KCND3: variants seen among roughly 807,000 people sequenced by gnomAD.
KCND3 encodes the protein potassium voltage-gated channel subfamily D member 3, also known as A-type voltage-gated potassium channel KCND3.
In KCND3, 9 loss-of-function variants were observed where a neutral mutation model predicts 51.1. The ratio of observed to expected loss-of-function variants is 0.18; its 90% CI spans 0.11 to 0.31. The LOEUF is 0.31. Ranked by LOEUF, KCND3 falls within the 10% of genes least tolerant of loss-of-function variation. The pLI, the probability that KCND3 is intolerant of heterozygous loss-of-function variation, is 1.00. For missense variants in KCND3, 526 were observed against 903.8 expected (o/e 0.58, Z 5.36); for synonymous variants, 349 against 368.0 (o/e 0.95, Z 0.59).
chr1:111,894,158 G>C (rs760968544), intron 2 of KCND3, among the ~76,000 whole-genome samples: 6 of 152,176 alleles, frequency 3.9e-5, no homozygotes, highest in Non-Finnish European at 7.4e-5. Flanking sequence ...GTGTGGTTGA[G>C]GGCTCTTCTC....
At chr1:111,825,466 C>A (rs1194389850) in intron 2 of KCND3, among the ~76,000 whole-genome samples, 1 of 152,224 alleles carries the variant, frequency 6.6e-6, no homozygotes, top group Non-Finnish European at 1.5e-5. Context: ...GGATCCCTGA[C>A]ACTGGACCAC....
chr1:111,918,962 G>C lies in KCND3; in HGVS notation c.1106+62659C>G, dbSNP rs2101833131. Among the ~76,000 whole-genome samples, 2 of 151,960 alleles carry C rather than the reference G, an allele frequency of 1.3e-5. 1 individual carries two copies. Among genetic ancestry groups the C allele is most frequent in the African/African-American group, 4.8e-5 (2 of 41,432 alleles). On this transcript the variant is annotated intron_variant, in intron 2 of 7. Transcript: ENST00000302127. Reference sequence around the variant, plus strand: ...GGAGGCAGCTGAGGAAGGGTGAAGAGGGGAGCTGTCCAAGTGATGGCAGAA... The same window carrying C: ...GGAGGCAGCTGAGGAAGGGTGAAGACGGGAGCTGTCCAAGTGATGGCAGAA...
intron 2 of KCND3, among the ~76,000 whole-genome samples, chr1:111,865,088 G>T (rs1480879843): frequency 6.6e-6 from 1 of 152,206 alleles, no homozygotes; most frequent in Admixed American, 6.5e-5. Flanking sequence ...GGTGCTGAAT[G>T]CTAAGGCCCC....
rs10711503 is a variant in KCND3 at position 111,974,372 on chromosome 1, T to TA, written c.1106+7248dup. ...GGGGTCTGGTCCCTGTTTCCCAGAT[T>TA]AAAAAAAAAAAAAACTTGGACATCA... On this transcript the variant is annotated intron_variant, in intron 2 of 7. Coordinates refer to ENST00000302127, the MANE Select transcript of KCND3 (RefSeq NM_001378969.1). Among the ~76,000 whole-genome samples, 185 of 146,586 alleles carry TA rather than the reference T, an allele frequency of 1.3e-3. 1 individual carries two copies. The highest frequency in any genetic ancestry group is 0.012 in the South Asian group (55 of 4,568).
intron 2 of KCND3, among the ~76,000 whole-genome samples, chr1:111,840,567 C>T (rs985258233): frequency 2.0e-5 from 3 of 152,028 alleles, no homozygotes; most frequent in African/African-American, 4.8e-5. Flanking sequence ...TGCTCCCCTC[C>T]ACTGCCCCAT....
intron 2 of KCND3, among the ~76,000 whole-genome samples, chr1:111,794,688 C>T (rs925874431): frequency 1.3e-5 from 2 of 152,192 alleles, no homozygotes; most frequent in Non-Finnish European, 1.5e-5. Flanking sequence ...TCTGTGGCTT[C>T]CTCCTTGTCC....
At chr1:111,950,329 A>G (rs776592521) in intron 2 of KCND3, among the ~76,000 whole-genome samples, 3 of 152,172 alleles carry the variant, frequency 2.0e-5, no homozygotes, top group Non-Finnish European at 2.9e-5. Context: ...TTTGTGACCT[A>G]CTAATGGGCT....
rs1217571134 is a variant in KCND3, at chr1:111,982,281, T to C, written c.446A>G (p.Asp149Gly). The stretch of plus-strand genomic sequence containing the variant: ...CTGGTTGTTCTCCGAGTCGTTGTCG[T>C]CCATGAGCCGCTCGGCGTTCTCCCT... ...RKRENAERLMDDNDSENNQES... is the reference protein window; with the variant it reads ...RKRENAERLMGDNDSENNQES... Residue 149 changes from aspartate to glycine, a missense_variant, in exon 2 of 8, where the codon GAC becomes GGC. By Grantham distance (94) the Asp-to-Gly change is moderately conservative. Transcript: ENST00000302127. This position sits in a 1 kb window ranked among gnomAD's most constrained non-coding sequence, Gnocchi z 8.5. 1 of 1,614,056 alleles carries C rather than the reference T, an allele frequency of 6.2e-7. No individual in the cohort carries two copies. Among genetic ancestry groups the C allele is most frequent in the Non-Finnish European group, 8.5e-7 (1 of 1,180,024 alleles).
chr1:111,791,134 G>A (rs1664807049), intron 2 of KCND3, among the ~76,000 whole-genome samples: 1 of 152,196 alleles, frequency 6.6e-6, no homozygotes, highest in African/African-American at 2.4e-5. Flanking sequence ...TTCCAGAGTG[G>A]CGGTGCCATT....
At chr1:111,825,444 T>G (rs180836340) in intron 2 of KCND3, among the ~76,000 whole-genome samples, 1 of 152,326 alleles carries the variant, frequency 6.6e-6, no homozygotes, top group Non-Finnish European at 1.5e-5. Context: ...CCAGATCCAC[T>G]TGAAGCTTTA....
At chr1:111,971,836 A>C (rs924359931) in intron 2 of KCND3, among the ~76,000 whole-genome samples, 22 of 152,184 alleles carry the variant, frequency 1.4e-4, no homozygotes, top group African/African-American at 4.6e-4. Context: ...ATCCAGTCTT[A>C]TAATTCCAGA....
chr1:111,836,032 CT>C (rs1667050469), intron 2 of KCND3, among the ~76,000 whole-genome samples: 2 of 152,094 alleles, frequency 1.3e-5, no homozygotes, highest in African/African-American at 2.4e-5. Context: ...CTTGCTGTTG[CT>C]TTTTTCTCCA....
At chr1:111,823,804 A>T (rs769809080) in intron 2 of KCND3, among the ~76,000 whole-genome samples, 2 of 152,164 alleles carry the variant, frequency 1.3e-5, no homozygotes, top group Non-Finnish European at 2.9e-5. Flanking sequence ...TGAGGTGTAA[A>T]TCCATATCCA....
intron 2 of KCND3, among the ~76,000 whole-genome samples, chr1:111,796,401 C>CAA (rs35252041): frequency 1.4e-4 from 21 of 147,356 alleles, no homozygotes; most frequent in African/African-American, 4.4e-4. Flanking sequence ...TAGACCAGAC[C>CAA]AAAAAAAAAA....
intron 2 of KCND3, among the ~76,000 whole-genome samples, chr1:111,975,252 G>A (rs1674561720): frequency 6.6e-6 from 1 of 152,182 alleles, no homozygotes. Context: ...TGCTCTGGCT[G>A]GTTTGTTACA....
intron 2 of KCND3, among the ~76,000 whole-genome samples, chr1:111,941,914 G>C (rs982517585): frequency 6.6e-6 from 1 of 152,206 alleles, no homozygotes; most frequent in African/African-American, 2.4e-5. Flanking sequence ...CATGTGGATT[G>C]GGGGTCAGGG....
intron 2 of KCND3, among the ~76,000 whole-genome samples, chr1:111,946,678 T>G (rs1672793649): frequency 6.6e-6 from 1 of 152,218 alleles, no homozygotes; most frequent in East Asian, 1.9e-4. Context: ...TGCAGATTAT[T>G]ATTAAATACT....
At chr1:111,976,367 C>T (rs1222526167) in intron 2 of KCND3, among the ~76,000 whole-genome samples, 1 of 152,220 alleles carries the variant, frequency 6.6e-6, no homozygotes, top group East Asian at 1.9e-4. Flanking sequence ...CCTGGCCTCC[C>T]TATCTCCACT....
chr1:111,897,005 A>G (rs183689091), intron 2 of KCND3, among the ~76,000 whole-genome samples: 133 of 152,354 alleles, frequency 8.7e-4, no homozygotes, highest in African/African-American at 3.2e-3. Context: ...TGCAAACTGC[A>G]AACTCCTTAA....
Sources: allele counts gnomAD v4.1 joint callset (sites outside exome capture counted in the v4.1 genomes callset), GRCh38; gene constraint gnomAD v4.1.1; non-coding constraint Gnocchi (gnomAD v3.1); transcripts MANE v1.5; gene names NCBI Gene and HGNC (gene_info 2026-07-23, HGNC 2026-07-21).